The following ANKRD10 variants were observed in gnomAD, a reference collection of about 807,000 sequenced individuals.
ANKRD10 encodes the protein ankyrin repeat domain 10, also known as ankyrin repeat domain-containing protein 10.
Under a neutral mutation model 27.0 loss-of-function variants are expected in ANKRD10, and 14 were observed. The ratio of observed to expected loss-of-function variants is 0.52; its 90% CI spans 0.34 to 0.81. The LOEUF is 0.81. Among genes scored for constraint, ANKRD10 ranks in the 40% least tolerant of loss-of-function variants. The pLI is 0.01. For missense variants in ANKRD10, 493 were observed against 544.0 expected, an observed-to-expected ratio of 0.91 and a Z score of 0.93; for synonymous variants, 250 against 224.5, an observed-to-expected ratio of 1.11 and a Z score of -1.01.
At chr13:110,896,253 T>C (rs1223267125) in intron 3 of ANKRD10, among the ~76,000 whole-genome samples, 1 of 152,238 alleles carries the variant, frequency 6.6e-6, no homozygotes, top group Non-Finnish European at 1.5e-5. Flanking sequence ...TATGCAGCAT[T>C]ATCGGAAACA....
chr13:110,892,964 A>G lies in ANKRD10; in HGVS notation c.691+64T>C, dbSNP rs1020603366. ...CATCTCGAAGGTGCGCTCAGCCATA[A>G]AAAGAAAACATATTACAGAAAGGAA... On this transcript the variant is annotated intron_variant, in intron 4 of 5. Transcript: ENST00000267339. The G allele has an allele frequency of 1.5e-5, 24 of 1,585,414 alleles. No homozygotes were observed. The African/African-American group carries it at 2.2e-4, about 14-fold the overall frequency.
chr13:110,880,895 A>T (rs1324501317), intron 5 of ANKRD10, among the ~76,000 whole-genome samples: 2 of 152,202 alleles, frequency 1.3e-5, no homozygotes. Context: ...TTCTCAGTCC[A>T]GCAATTAAAA....
intron 1 of ANKRD10, among the ~76,000 whole-genome samples, chr13:110,912,487 A>C (rs1261940178): frequency 6.6e-6 from 1 of 152,252 alleles, no homozygotes; most frequent in East Asian, 1.9e-4. Flanking sequence ...TTGCAAATCC[A>C]ATAAAAATAA....
intron 5 of ANKRD10, 117 bp downstream of exon 5, chr13:110,883,581 T>G (rs1444338212): frequency 6.8e-7 from 1 of 1,467,100 alleles, no homozygotes; most frequent in Non-Finnish European, 9.1e-7. Flanking sequence ...GGGGTCTGCA[T>G]TGCTGACACA....
chr13:110,893,339 C>A, intron 3 of ANKRD10, 76 bp from the exon 4 acceptor site: 1 of 1,408,702 alleles, frequency 7.1e-7, no homozygotes, highest in Non-Finnish European at 9.7e-7. Context: ...AACTGACTAG[C>A]TATCTGAAGG....
In ANKRD10 at chr13:110,879,925, A is replaced by G. The variant is rs2064779264; in HGVS notation, c.975T>C (p.Ser325=). 6.2e-7 allele frequency: 1 copy of G among 1,614,064 alleles called. No homozygotes were observed. Among genetic ancestry groups the G allele is most frequent in the Non-Finnish European group, 8.5e-7 (1 of 1,180,044 alleles). ...PGQPFPSSQG[S]LCISGTEEPE... The stretch of plus-strand genomic sequence containing the variant: ...GCTCCTCAGTCCCACTAATGCAGAG[A>G]GAACCCTGGCTACTCGGAAACGGCT... The change falls in exon 6 of 6, where the codon TCT becomes TCC. Residue 325 remains serine, a synonymous_variant. Transcript: ENST00000267339.
intron 4 of ANKRD10, among the ~76,000 whole-genome samples, chr13:110,885,417 G>A (rs1021376093): frequency 2.6e-5 from 4 of 152,084 alleles, no homozygotes; most frequent in Non-Finnish European, 5.9e-5. Flanking sequence ...GCGTGGTGGC[G>A]AGTGCCTGTA....
intron 2 of ANKRD10, among the ~76,000 whole-genome samples, chr13:110,908,294 GAGA>G (rs2065595361): frequency 6.6e-6 from 1 of 152,188 alleles, no homozygotes; most frequent in Non-Finnish European, 1.5e-5. Flanking sequence ...GCATATGAAA[GAGA>G]AGGTTTGCTA....
chr13:110,890,920 T>C (rs2065057284), intron 4 of ANKRD10, among the ~76,000 whole-genome samples: 1 of 152,184 alleles, frequency 6.6e-6, no homozygotes, highest in African/African-American at 2.4e-5. Flanking sequence ...ACCAAATTTA[T>C]GTAGTTAACG....
At chr13:110,882,425 G>A (rs1366358413) in intron 5 of ANKRD10, among the ~76,000 whole-genome samples, 4 of 152,204 alleles carry the variant, frequency 2.6e-5, no homozygotes, top group Non-Finnish European at 4.4e-5. Flanking sequence ...CAGTCAGAGT[G>A]TCATAAATCA....
chr13:110,891,007 C>T (rs192150628), intron 4 of ANKRD10, among the ~76,000 whole-genome samples: 1 of 148,426 alleles, frequency 6.7e-6, no homozygotes. Context: ...ATTCAACTGA[C>T]CTTAGAAACT....
At chr13:110,894,096 T>G (rs1435658089) in intron 3 of ANKRD10, 1 of 1,571,428 alleles carries the variant, frequency 6.4e-7, no homozygotes, top group African/African-American at 1.4e-5. Context: ...TAGAGTAAGT[T>G]GAACTTGTAA....
intron 3 of ANKRD10, among the ~76,000 whole-genome samples, chr13:110,893,737 G>A (rs1346970570): frequency 6.6e-6 from 1 of 152,232 alleles, no homozygotes; most frequent in Non-Finnish European, 1.5e-5. Context: ...ATGCTTACAT[G>A]TGACACTGTA....
At chr13:110,887,820 GC>G (rs1208627318) in intron 4 of ANKRD10, among the ~76,000 whole-genome samples, 2 of 152,150 alleles carry the variant, frequency 1.3e-5, no homozygotes, top group Non-Finnish European at 2.9e-5. Context: ...TGGCCAAATG[GC>G]CCAGGACCCC....
chr13:110,910,764 A>C lies in ANKRD10; in HGVS notation c.217T>G (p.Cys73Gly). The C allele has an allele frequency of 6.2e-7, 1 of 1,612,380 alleles. No homozygotes were observed. The highest frequency in any genetic ancestry group is 8.5e-7 in the Non-Finnish European group (1 of 1,179,280). ...HWAAHFGKLECLVQLVRAGAT... is the reference protein window; with the variant it reads ...HWAAHFGKLEGLVQLVRAGAT... The stretch of plus-strand genomic sequence containing the variant: ...CCCGCTCTCACCAACTGCACTAAGC[A>C]CTCCAACTTCGAAAACAAGAGGGGT... The change falls in exon 2 of 6, where the codon TGC becomes GGC. Residue 73 changes from cysteine (C) to glycine (G), a missense_variant. Transcript: ENST00000267339.
Position 110,914,832 on chromosome 13 carries a change from G to T in ANKRD10, c.103C>A (p.Leu35Met). 1 of 1,582,064 alleles carries T rather than the reference G, an allele frequency of 6.3e-7. No individual in the cohort carries two copies. Among genetic ancestry groups the T allele is most frequent in the African/African-American group, 1.3e-5 (1 of 74,198 alleles). ...TGCAGCAGCGAGCAGAGCGTGGCCA[G>T]GTCCCCGTCGCGGCAGGCGCGGTGC... ...PLHRACRDGDLATLCSLLQQT... is the reference protein window; with the variant it reads ...PLHRACRDGDMATLCSLLQQT... Residue 35 changes from leucine to methionine, a missense_variant, in exon 1 of 6, where the codon CTG becomes ATG. Coordinates refer to ENST00000267339, the MANE Select transcript of ANKRD10 (RefSeq NM_017664.4).
intron 4 of ANKRD10, among the ~76,000 whole-genome samples, chr13:110,891,202 C>T (rs1174139118): frequency 6.6e-6 from 1 of 152,092 alleles, no homozygotes; most frequent in Non-Finnish European, 1.5e-5. Context: ...ATGTACAATT[C>T]GTGCATGAGG....
In ANKRD10 at chr13:110,915,026, C is replaced by G. The variant is rs977743813; in HGVS notation, c.-92G>C. 10 of 1,447,566 alleles carry G rather than the reference C, an allele frequency of 6.9e-6. No homozygotes were observed. In the South Asian group the frequency reaches 1.3e-4, roughly 18 times the overall value. 89.7% of individuals were successfully genotyped at this position (1,447,566 alleles called of 1,614,324 possible). Reference sequence around the variant, plus strand: ...GCCGCCGCAGCACAAAGGAACGAGACTAGCGCCGCGGTCGCGTCCCACAGG... The same window carrying G: ...GCCGCCGCAGCACAAAGGAACGAGAGTAGCGCCGCGGTCGCGTCCCACAGG... On this transcript the variant is annotated 5_prime_UTR_variant, in exon 1 of 6. Coordinates refer to ENST00000267339, the MANE Select transcript of ANKRD10 (RefSeq NM_017664.4).
At chr13:110,903,245 G>A (rs9521987) in intron 3 of ANKRD10, among the ~76,000 whole-genome samples, 46,176 of 152,078 alleles carry the variant, frequency 0.3, 7,720 homozygotes, top group Non-Finnish European at 0.39. Context: ...AACTTCACGT[G>A]CTTGCTGAAA....
Sources: allele counts gnomAD v4.1 joint callset (sites outside exome capture counted in the v4.1 genomes callset), GRCh38; gene constraint gnomAD v4.1.1; transcripts MANE v1.5; gene names NCBI Gene and HGNC (gene_info 2026-07-23, HGNC 2026-07-21).